Variants in DACH1 observed in about 807,000 individuals in gnomAD.
The protein encoded by DACH1 is dachshund family transcription factor 1, also known as dachshund homolog 1.
Under a neutral mutation model 54.2 loss-of-function variants are expected in DACH1, and 12 were observed. The ratio of observed to expected loss-of-function variants is 0.22; its 90% CI spans 0.14 to 0.36. The LOEUF (loss-of-function observed/expected upper bound fraction) is 0.36, where lower values mean the gene tolerates loss of function less well. DACH1 is among the 10% of genes least tolerant of loss of function. DACH1 has a pLI of 1.00. For missense variants in DACH1, 805 were observed against 929.8 expected, an observed-to-expected ratio of 0.87 and a Z score of 1.75; for synonymous variants, 386 against 366.2, an observed-to-expected ratio of 1.05 and a Z score of -0.62.
At chr13:71,859,104 C>A (rs1874189546) in intron 1 of DACH1, among the ~76,000 whole-genome samples, 1 of 151,768 alleles carries the variant, frequency 6.6e-6, no homozygotes, top group African/African-American at 2.4e-5. Flanking sequence ...AATGAGTTGT[C>A]TTTGACAACT....
chr13:71,521,560 A>T (rs1461448442), intron 6 of DACH1, among the ~76,000 whole-genome samples: 11 of 152,040 alleles, frequency 7.2e-5, no homozygotes, highest in Non-Finnish European at 1.0e-4. Context: ...AGTCTTTCAA[A>T]GGCAAGGTAA....
At chr13:71,456,975 T>C (rs909732407) in intron 10 of DACH1, among the ~76,000 whole-genome samples, 18 of 152,066 alleles carry the variant, frequency 1.2e-4, no homozygotes, top group African/African-American at 4.1e-4. Flanking sequence ...TCCTAAAGCT[T>C]AAAATATCGT....
At chr13:71,554,684 A>G (rs1330692127) in intron 6 of DACH1, among the ~76,000 whole-genome samples, 3 of 152,148 alleles carry the variant, frequency 2.0e-5, no homozygotes, top group Admixed American at 6.6e-5. Context: ...GCACTCAAAG[A>G]CTGCCTTGTC....
intron 7 of DACH1, among the ~76,000 whole-genome samples, chr13:71,486,762 ATAAG>A (rs1278971031): frequency 6.6e-6 from 1 of 152,182 alleles, no homozygotes; most frequent in Non-Finnish European, 1.5e-5. Context: ...ACACATACAT[ATAAG>A]TAAGATTGAA....
At chr13:71,625,021 T>C (rs1161509194) in intron 3 of DACH1, among the ~76,000 whole-genome samples, 1 of 152,008 alleles carries the variant, frequency 6.6e-6, no homozygotes, top group Non-Finnish European at 1.5e-5. Flanking sequence ...TCTTCCATTT[T>C]ATTTCCTTAC....
chr13:71,461,841 A>G (rs750943998), intron 10 of DACH1, among the ~76,000 whole-genome samples: 18 of 152,046 alleles, frequency 1.2e-4, no homozygotes, highest in Non-Finnish European at 2.4e-4. Context: ...AAGAAAATAA[A>G]GACATCAAAA....
intron 1 of DACH1, among the ~76,000 whole-genome samples, chr13:71,745,142 CT>C (rs923707871): frequency 3.9e-5 from 6 of 151,970 alleles, no homozygotes; most frequent in African/African-American, 9.6e-5. Flanking sequence ...GTTTTCATTC[CT>C]TTTTTTTGTT....
At chr13:71,702,724 G>C (rs749618788) in intron 1 of DACH1, among the ~76,000 whole-genome samples, 1 of 151,990 alleles carries the variant, frequency 6.6e-6, no homozygotes, top group African/African-American at 2.4e-5. Context: ...CTGCCAAATC[G>C]AGAGTTAATT....
chr13:71,736,737 AGT>A (rs1284188509), intron 1 of DACH1, among the ~76,000 whole-genome samples: 2 of 152,184 alleles, frequency 1.3e-5, no homozygotes, highest in African/African-American at 4.8e-5. Flanking sequence ...GAGCAGTAAT[AGT>A]GTGTTTTCTT....
At position 71,512,529 on chromosome 13, in the gene DACH1, A is replaced by C. The variant is rs528715908; in HGVS notation, c.1571-23381T>G. Among the ~76,000 whole-genome samples the C allele has an allele frequency of 2.0e-5, 3 of 152,044 alleles. No individual in the cohort carries two copies. The East Asian group carries it at 5.8e-4, about 30-fold the overall frequency. On this transcript the variant is annotated intron_variant, in intron 6 of 10. Coordinates refer to ENST00000613252, the MANE Select transcript of DACH1 (RefSeq NM_080759.6). ...TGAGTAAAGACCAAATTCTTAATAA[A>C]GAATTTGGCGTGAACACAAATATTT...
intron 3 of DACH1, among the ~76,000 whole-genome samples, chr13:71,593,798 T>G (rs956979468): frequency 2.0e-4 from 31 of 152,014 alleles, no homozygotes; most frequent in Non-Finnish European, 3.7e-4. Context: ...GTAAAATATC[T>G]TGAGTGACTA....
chr13:71,482,672 T>C (rs1331033), intron 7 of DACH1, among the ~76,000 whole-genome samples: 2,114 of 152,290 alleles, frequency 0.014, 49 homozygotes, highest in African/African-American at 0.047. Flanking sequence ...GTCTTCTTTA[T>C]TATTCTTTTA....
intron 6 of DACH1, among the ~76,000 whole-genome samples, chr13:71,536,302 G>A (rs541657216): frequency 8.5e-5 from 13 of 152,086 alleles, no homozygotes; most frequent in South Asian, 2.1e-4. Flanking sequence ...TTTCTCAAGC[G>A]CAATTTTATC....
At chr13:71,624,170 T>C (rs1274252143) in intron 3 of DACH1, among the ~76,000 whole-genome samples, 2 of 151,888 alleles carry the variant, frequency 1.3e-5, no homozygotes, top group East Asian at 1.9e-4. Context: ...TAAGCAATTT[T>C]GTGTAAAAAT....
In DACH1 at chr13:71,489,101, G is replaced by A. The variant is rs200761759; in HGVS notation, c.1618C>T (p.Leu540Phe). ...TPTARDSLDK[L>F]SLTGHGQPLP... ...GGTTGTCCATGCCCAGTTAGAGAGA[G>A]TTTGTCAAGGCTGTCTCTTGCGGTT... is the stretch of plus-strand genomic sequence containing the variant. Residue 540 changes from leucine to phenylalanine, a missense_variant, in exon 7 of 11, where the codon CTC becomes TTC. By Grantham distance (22) the Leu-to-Phe change is conservative. Around this residue, in one of 3 missense-constraint regions of DACH1, gnomAD observed 472 missense variants for 545.3 expected, o/e 0.87. Coordinates refer to ENST00000613252, the MANE Select transcript of DACH1 (RefSeq NM_080759.6). 24 of 1,613,648 alleles carry A rather than the reference G, an allele frequency of 1.5e-5. No homozygotes were observed. The highest frequency in any genetic ancestry group is 2.0e-5 in the Non-Finnish European group (24 of 1,179,800).
chr13:71,692,828 C>T lies in DACH1; in HGVS notation c.849-10918G>A, dbSNP rs557952509. 2.0e-5 allele frequency among the ~76,000 whole-genome samples: 3 copies of T among 152,002 alleles called. No individual in the cohort carries two copies. The South Asian group carries it at 6.2e-4, about 32-fold the overall frequency. ...GAGCCACCACACCCAGCCCGTTCACCTATTTTAAATGTATTTTCTTGTGAT... is the reference window on the plus strand; with the variant it reads ...GAGCCACCACACCCAGCCCGTTCACTTATTTTAAATGTATTTTCTTGTGAT... On this transcript the variant is annotated intron_variant, in intron 1 of 10. Coordinates refer to ENST00000613252, the MANE Select transcript of DACH1 (RefSeq NM_080759.6).
chr13:71,497,521 G>A (rs1267883241), intron 6 of DACH1, among the ~76,000 whole-genome samples: 4 of 151,942 alleles, frequency 2.6e-5, no homozygotes, highest in Admixed American at 6.6e-5. Flanking sequence ...TGGTAGAGAC[G>A]GGGTTTCTCC....
intron 3 of DACH1, among the ~76,000 whole-genome samples, chr13:71,586,941 T>C (rs980327365): frequency 6.6e-6 from 1 of 152,108 alleles, no homozygotes; most frequent in Non-Finnish European, 1.5e-5. Context: ...CCAAAGTTTT[T>C]CGGTTAAATT....
chr13:71,775,667 T>C (rs1310478891), intron 1 of DACH1, among the ~76,000 whole-genome samples: 1 of 152,152 alleles, frequency 6.6e-6, no homozygotes, highest in African/African-American at 2.4e-5. Context: ...CATTCCTTTA[T>C]ATTATTAAGA....
Sources: gnomAD v4.1 joint callset for allele counts (sites outside exome capture counted in the v4.1 genomes callset) on GRCh38, gnomAD v4.1.1 for gene constraint, gnomAD v4.1.1 regional missense constraint, MANE v1.5 for transcripts, NCBI Gene and HGNC (gene_info 2026-07-23, HGNC 2026-07-21) for gene names.